Variants in TPP2 observed in about 807,000 individuals in gnomAD.
TPP2 encodes tripeptidyl-peptidase 2.
TPP2 carries 34 observed loss-of-function variants against 155.9 expected under a neutral mutation model. The ratio of observed to expected loss-of-function variants is 0.22; its 90% CI spans 0.17 to 0.29. The LOEUF (loss-of-function observed/expected upper bound fraction) is 0.29. Among genes scored for constraint, TPP2 ranks in the 10% least tolerant of loss-of-function variants. TPP2 has a pLI of 1.00. For synonymous variants in TPP2, 510 were observed against 529.4 expected, an observed-to-expected ratio of 0.96 and a Z score of 0.50; for missense variants, 1,028 against 1,522.3, an observed-to-expected ratio of 0.68 and a Z score of 5.40.
At chr13:102,611,109 A>G (rs1327742681) in intron 2 of TPP2, among the ~76,000 whole-genome samples, 1 of 152,178 alleles carries the variant, frequency 6.6e-6, no homozygotes, top group Non-Finnish European at 1.5e-5. Flanking sequence ...GATTCCTGAG[A>G]CTTGCCCATG....
intron 8 of TPP2, among the ~76,000 whole-genome samples, 157 bp downstream of exon 8, chr13:102,628,081 C>A (rs1024199140): frequency 3.9e-5 from 6 of 152,040 alleles, no homozygotes; most frequent in African/African-American, 1.4e-4. Context: ...CTCTTGAAGT[C>A]CTGTTTGGCT....
intron 28 of TPP2, among the ~76,000 whole-genome samples, chr13:102,675,253 C>T (rs1339196386): frequency 1.3e-5 from 2 of 152,110 alleles, no homozygotes; most frequent in Non-Finnish European, 2.9e-5. Flanking sequence ...TTTTCCAACA[C>T]AGTACAGTGG....
chr13:102,612,049 C>T (rs1880366194), intron 2 of TPP2, among the ~76,000 whole-genome samples: 1 of 152,142 alleles, frequency 6.6e-6, no homozygotes, highest in Admixed American at 6.5e-5. Context: ...GTACCTTTTT[C>T]ATTTTACCAC....
rs752351840 is a variant in TPP2 at position 102,646,417 on chromosome 13, C to T, written c.2490+27C>T. The T allele has an allele frequency of 2.7e-5, 42 of 1,559,822 alleles. No individual in the cohort carries two copies. The East Asian group carries it at 7.5e-4, about 28-fold the overall frequency. ...TAAGTGTTTGCCTAGTAAAGTGTACCCTTAGGATGAACTTTTGTGTTTTAT... is the reference window on the plus strand; with the variant it reads ...TAAGTGTTTGCCTAGTAAAGTGTACTCTTAGGATGAACTTTTGTGTTTTAT... On this transcript the variant is annotated intron_variant, in intron 20 of 29. Transcript: ENST00000376052.
chr13:102,647,496 T>C, intron 21 of TPP2, 152 bp downstream of exon 21: 1 of 953,112 alleles, frequency 1.0e-6, no homozygotes, highest in Admixed American at 3.1e-5. Flanking sequence ...AGAGCCTGTT[T>C]GTTGTAGTCG....
At chr13:102,606,798 C>CAGAT (rs1199118537) in intron 2 of TPP2, among the ~76,000 whole-genome samples, 1 of 152,194 alleles carries the variant, frequency 6.6e-6, no homozygotes, top group Non-Finnish European at 1.5e-5. Context: ...CTGTCATGGG[C>CAGAT]AGATAGCAGC....
chr13:102,657,276 G>A (rs1344316036), intron 25 of TPP2, 69 bp downstream of exon 25: 2 of 1,361,970 alleles, frequency 1.5e-6, no homozygotes, highest in South Asian at 3.0e-5. Context: ...ACAATATTGT[G>A]TATATATACA....
Position 102,623,708 on chromosome 13 carries a change from A to G in TPP2, c.784+668A>G, listed in dbSNP as rs1018438971. Among the ~76,000 whole-genome samples the G allele has an allele frequency of 9.8e-5, 15 of 152,342 alleles. No homozygotes were observed. The South Asian group carries it at 3.1e-3, about 32-fold the overall frequency. ...TCTGTGTGATTTCAAAAAAGTTGGA[A>G]ACTAAATACCTATTAACAAAAAAAT... On this transcript the variant is annotated intron_variant, in intron 6 of 29. Transcript: ENST00000376052.
chr13:102,622,464 C>T (rs1346812920), intron 5 of TPP2, among the ~76,000 whole-genome samples: 1 of 152,172 alleles, frequency 6.6e-6, no homozygotes, highest in African/African-American at 2.4e-5. Flanking sequence ...CAGTAAAATT[C>T]ACCTAGTTTC....
At chr13:102,663,906 A>T (rs1337431267) in intron 26 of TPP2, among the ~76,000 whole-genome samples, 162 bp downstream of exon 26, 1 of 152,210 alleles carries the variant, frequency 6.6e-6, no homozygotes, top group East Asian at 1.9e-4. Flanking sequence ...TTATTATAAG[A>T]CCTAGCCACT....
Position 102,614,200 on chromosome 13 carries a change from A to G in TPP2, c.390+4A>G. The stretch of plus-strand genomic sequence containing the variant: ...GGCACTCAAGGAAAGGATACAGGTA[A>G]TGTACAATCTGGTACCAATGAGTTG... On this transcript the variant is annotated splice_donor_region_variant and intron_variant, in intron 3 of 29. Coordinates refer to ENST00000376052, the MANE Select transcript of TPP2 (RefSeq NM_001330588.2). 1.2e-6 allele frequency: 2 copies of G among 1,603,952 alleles called. No homozygotes were observed. Among genetic ancestry groups the G allele is most frequent in the African/African-American group, 1.3e-5 (1 of 74,730 alleles).
intron 27 of TPP2, among the ~76,000 whole-genome samples, chr13:102,671,580 C>T (rs186931482): frequency 1.5e-4 from 23 of 152,266 alleles, no homozygotes; most frequent in African/African-American, 5.3e-4. Flanking sequence ...TTCCTTATCT[C>T]TTTATAAGCG....
At position 102,648,960 on chromosome 13, in the gene TPP2, T is replaced by C; in HGVS notation, c.2682T>C (p.His894=). Residue 894 remains histidine (H), a synonymous_variant, in exon 22 of 30, where the codon CAT becomes CAC. Transcript: ENST00000376052. ...ATACAATTCGACTACAGATTCGCCA[T>C]GAGCAAATCAGTGATTTGGAACGCC... ...GDYTIRLQIR[H]EQISDLERLK... The C allele has an allele frequency of 6.2e-7, 1 of 1,613,332 alleles. No homozygotes were observed. The highest frequency in any genetic ancestry group is 8.5e-7 in the Non-Finnish European group (1 of 1,179,764).
chr13:102,657,293 G>C, intron 25 of TPP2, 86 bp downstream of exon 25: 1 of 1,127,280 alleles, frequency 8.9e-7, no homozygotes, highest in South Asian at 2.8e-5. Flanking sequence ...TACATAGACC[G>C]TATTTAAAAT....
chr13:102,629,430 A>G (rs1281756017), intron 8 of TPP2, 52 bp from the exon 9 acceptor site: 2 of 1,442,000 alleles, frequency 1.4e-6, no homozygotes, highest in Non-Finnish European at 1.8e-6. Flanking sequence ...TACTATATAC[A>G]CTTTGGGAAT....
At chr13:102,604,739 T>C (rs1001033802) in intron 1 of TPP2, 54 bp from the exon 2 acceptor site, 1 of 1,569,638 alleles carries the variant, frequency 6.4e-7, no homozygotes, top group Non-Finnish European at 8.7e-7. Flanking sequence ...TTGCATTGTT[T>C]AGGAATAAAA....
Position 102,622,976 on chromosome 13 carries a change from G to A in TPP2, c.720G>A (p.Glu240=). The A allele has an allele frequency of 6.2e-7, 1 of 1,614,124 alleles. No individual in the cohort carries two copies. The highest frequency in any genetic ancestry group is 2.2e-5 in the East Asian group (1 of 44,870). The change falls in exon 6 of 30, where the codon GAG becomes GAA. Residue 240 remains glutamate (E), a synonymous_variant. Transcript: ENST00000376052. ...AQEYGSFGTA[E]MLNYSVNIYD... ...AATATGGCTCTTTTGGCACAGCTGA[G>A]ATGTTGAATTACTCCGTTAATATAT...
intron 16 of TPP2, among the ~76,000 whole-genome samples, chr13:102,640,641 ATTTTTTTTTTTTTTT>A (rs5806315): frequency 1.2e-5 from 1 of 84,198 alleles, no homozygotes; most frequent in South Asian, 4.6e-4. Flanking sequence ...CCTGGTAATA[ATTTTTTTTTTTTTTT>A]TTTTTTTTTT....
At chr13:102,648,472 G>C (rs1883282082) in intron 21 of TPP2, among the ~76,000 whole-genome samples, 1 of 147,834 alleles carries the variant, frequency 6.8e-6, no homozygotes, top group Admixed American at 6.9e-5. Context: ...GTGTGTATTT[G>C]TCCTAGATAT....
Sources: allele counts gnomAD v4.1 joint callset (sites outside exome capture counted in the v4.1 genomes callset), GRCh38; gene constraint gnomAD v4.1.1; transcripts MANE v1.5; gene names NCBI Gene and HGNC (gene_info 2026-07-23, HGNC 2026-07-21).